CADM2: variants seen among roughly 807,000 people sequenced by gnomAD.
CADM2 encodes the protein immunoglobulin superfamily member 4D.
Under a neutral mutation model 49.8 loss-of-function variants are expected in CADM2, and 12 were observed. The ratio of observed to expected loss-of-function variants is 0.24; its 90% CI spans 0.15 to 0.39. The LOEUF (loss-of-function observed/expected upper bound fraction) is 0.39. Among genes scored for constraint, CADM2 ranks in the 10% least tolerant of loss-of-function variants. The probability of loss-of-function intolerance (pLI) is 1.00; values close to 1 mark genes in which losing one functional copy is unlikely to be tolerated. For missense variants in CADM2, 378 were observed against 492.3 expected, an observed-to-expected ratio of 0.77 and a Z score of 2.20; for synonymous variants, 214 against 175.4, an observed-to-expected ratio of 1.22 and a Z score of -1.74.
At chr3:85,250,645 A>G (rs929667783) in intron 1 of CADM2, among the ~76,000 whole-genome samples, 5 of 151,712 alleles carry the variant, frequency 3.3e-5, no homozygotes, top group Non-Finnish European at 5.9e-5. Context: ...AATACATGCT[A>G]CTAGTTACAT....
At chr3:86,055,048 A>G (rs538850939) in intron 8 of CADM2, among the ~76,000 whole-genome samples, 15 of 152,322 alleles carry the variant, frequency 9.8e-5, no homozygotes, top group African/African-American at 3.1e-4. Flanking sequence ...ATTTATATAT[A>G]TCACATAAAA....
At chr3:85,291,919 A>T (rs922228125) in intron 1 of CADM2, among the ~76,000 whole-genome samples, 16 of 151,920 alleles carry the variant, frequency 1.1e-4, no homozygotes, top group African/African-American at 2.9e-4. Context: ...TAATGACAGG[A>T]TCAAATTCAC....
intron 1 of CADM2, among the ~76,000 whole-genome samples, chr3:85,414,828 G>A (rs1449025889): frequency 2.6e-5 from 4 of 152,182 alleles, no homozygotes; most frequent in South Asian, 2.1e-4. Flanking sequence ...TGTGTTATGC[G>A]GGAAGGGGTG....
chr3:85,600,338 C>G (rs938746731), intron 1 of CADM2, among the ~76,000 whole-genome samples: 1 of 151,860 alleles, frequency 6.6e-6, no homozygotes, highest in Non-Finnish European at 1.5e-5. Context: ...TTGTAAAGTC[C>G]ATTAGGGTAG....
At chr3:85,846,381 A>G (rs966263327) in intron 3 of CADM2, among the ~76,000 whole-genome samples, 1 of 152,134 alleles carries the variant, frequency 6.6e-6, no homozygotes, top group Non-Finnish European at 1.5e-5. Flanking sequence ...GTATAGAGGA[A>G]CACTTGGGAA....
At chr3:86,012,595 G>A (rs1026657842) in intron 8 of CADM2, 37 of 1,575,208 alleles carry the variant, frequency 2.3e-5, no homozygotes, top group Non-Finnish European at 3.1e-5. Flanking sequence ...AACTGCACGC[G>A]AAGCGCACGC....
chr3:85,237,443 C>T (rs1446246382), intron 1 of CADM2, among the ~76,000 whole-genome samples: 1 of 151,562 alleles, frequency 6.6e-6, no homozygotes, highest in Non-Finnish European at 1.5e-5. Flanking sequence ...TCTCTGTTGT[C>T]TCACAGTGAT....
In CADM2 at chr3:85,988,844, G is replaced by A. The variant is rs541383326; in HGVS notation, c.970+27197G>A. Among the ~76,000 whole-genome samples the A allele has an allele frequency of 4.6e-5, 7 of 152,278 alleles. 1 individual carries two copies. The highest frequency in any genetic ancestry group is 8.8e-5 in the Non-Finnish European group (6 of 68,022). On this transcript the variant is annotated intron_variant, in intron 8 of 9. Coordinates refer to ENST00000383699, the MANE Select transcript of CADM2 (RefSeq NM_001167675.2). ...CCCAGAGCTGTTTTGTTACTGACTG[G>A]TAAGCAAAGAAGGCTGAACAATGAG... is the stretch of plus-strand genomic sequence containing the variant.
intron 8 of CADM2, among the ~76,000 whole-genome samples, chr3:85,971,812 A>C (rs1726181299): frequency 6.6e-6 from 1 of 151,692 alleles, no homozygotes; most frequent in African/African-American, 2.4e-5. Context: ...TTTCAAATAA[A>C]GCATTGATTT....
intron 1 of CADM2, among the ~76,000 whole-genome samples, chr3:84,981,202 G>A (rs1035372800): frequency 7.3e-6 from 1 of 137,836 alleles, no homozygotes; most frequent in Non-Finnish European, 1.5e-5. Context: ...TGTTCAATTC[G>A]CACCTATGAG....
chr3:85,070,995 T>TAAATAAATAAATAAATAAATAAATAAAC (rs2036717930), intron 1 of CADM2, among the ~76,000 whole-genome samples: 1 of 148,416 alleles, frequency 6.7e-6, no homozygotes, highest in Admixed American at 6.8e-5. Context: ...TCTCAATAAA[T>TAAATAAATAAATAAATAAATAAATAAAC]AAATAAATAA....
intron 1 of CADM2, among the ~76,000 whole-genome samples, chr3:85,200,473 A>G (rs1056064218): frequency 6.6e-6 from 1 of 152,118 alleles, no homozygotes; most frequent in Non-Finnish European, 1.5e-5. Context: ...TAGGGACACG[A>G]TGTACCCTTC....
intron 1 of CADM2, among the ~76,000 whole-genome samples, chr3:85,493,966 G>A (rs2039781792): frequency 6.6e-6 from 1 of 152,116 alleles, no homozygotes; most frequent in African/African-American, 2.4e-5. Context: ...CCTCAAATGT[G>A]ACAGCACAAC....
chr3:85,694,276 T>C (rs1390581556), intron 1 of CADM2, among the ~76,000 whole-genome samples: 1 of 152,200 alleles, frequency 6.6e-6, no homozygotes, highest in Non-Finnish European at 1.5e-5. Context: ...ATAGGACCTT[T>C]AGGAGGAAAT....
intron 1 of CADM2, among the ~76,000 whole-genome samples, chr3:85,483,378 A>G (rs969993284): frequency 2.0e-5 from 3 of 151,244 alleles, no homozygotes; most frequent in Non-Finnish European, 4.4e-5. Context: ...GAAATTTTGC[A>G]TATGTTTGTG....
intron 1 of CADM2, chr3:85,511,875 C>G: frequency 1.0e-6 from 1 of 982,686 alleles, no homozygotes; most frequent in Non-Finnish European, 1.2e-6. Context: ...ATTAATCATT[C>G]CAGTGTAATC....
intron 1 of CADM2, among the ~76,000 whole-genome samples, chr3:85,428,328 A>AAT (rs912458271): frequency 6.1e-5 from 9 of 146,642 alleles, no homozygotes; most frequent in Non-Finnish European, 1.2e-4. Context: ...TATGATATAT[A>AAT]ATATATATAT....
At chr3:85,425,279 C>T (rs192338866) in intron 1 of CADM2, among the ~76,000 whole-genome samples, 6 of 152,282 alleles carry the variant, frequency 3.9e-5, no homozygotes, top group African/African-American at 9.6e-5. Flanking sequence ...CTCTTGGGAA[C>T]GGTAATGGTT....
intron 9 of CADM2, among the ~76,000 whole-genome samples, chr3:86,066,281 T>A (rs1022296529): frequency 4.7e-5 from 6 of 127,438 alleles, no homozygotes; most frequent in Non-Finnish European, 7.7e-5. Flanking sequence ...TGCGGTGAGC[T>A]GAGATCGTGC....
Sources: gnomAD v4.1 joint callset for allele counts (sites outside exome capture counted in the v4.1 genomes callset) on GRCh38, gnomAD v4.1.1 for gene constraint, MANE v1.5 for transcripts, NCBI Gene and HGNC (gene_info 2026-07-23, HGNC 2026-07-21) for gene names.